Variants in PAX7 observed in about 807,000 individuals in gnomAD.
PAX7 encodes paired box 7.
In PAX7, 18 loss-of-function variants were observed where a neutral mutation model predicts 50.7. That is an observed-to-expected ratio of 0.36 (90% CI 0.25 to 0.53). The LOEUF is 0.53. PAX7 is among the 20% of genes least tolerant of loss of function. The pLI is 0.93. For synonymous variants in PAX7, 310 were observed against 290.4 expected (o/e 1.07, Z -0.69); for missense variants, 644 against 702.9 (o/e 0.92, Z 0.95).
intron 7 of PAX7, among the ~76,000 whole-genome samples, chr1:18,727,959 C>T (rs2089594537): frequency 6.6e-6 from 1 of 151,440 alleles, no homozygotes; most frequent in South Asian, 2.1e-4. Flanking sequence ...TACCGCTGTC[C>T]ACAGGGGGAA....
rs373972225 is a variant in PAX7 at position 18,730,758 on chromosome 1, G to A, written c.1156-4874G>A. On this transcript the variant is annotated intron_variant, in intron 7 of 8. Coordinates refer to ENST00000420770, the MANE Select transcript of PAX7 (RefSeq NM_001135254.2). ...GCCGGCATGTCCCAGGGGAGGGGGC[G>A]GTGAGCAGAGGCTGTGGAAGGGGGG... Among the ~76,000 whole-genome samples, 122 of 152,022 alleles carry A rather than the reference G, an allele frequency of 8.0e-4. 3 individuals are homozygous for A. In the East Asian group the frequency reaches 8.4e-3, roughly 10 times the overall value.
intron 4 of PAX7, among the ~76,000 whole-genome samples, chr1:18,637,841 A>C (rs2088186926): frequency 6.6e-6 from 1 of 152,236 alleles, no homozygotes; most frequent in Admixed American, 6.5e-5. Context: ...GCGAGGGAAG[A>C]AAGGGAGCCA....
intron 8 of PAX7, among the ~76,000 whole-genome samples, chr1:18,737,440 A>G (rs909003553): frequency 3.3e-5 from 5 of 152,138 alleles, no homozygotes; most frequent in Admixed American, 6.5e-5. Flanking sequence ...TGTGTTCACA[A>G]CCCTTCCTGT....
chr1:18,716,089 G>A (rs567824090), intron 7 of PAX7, among the ~76,000 whole-genome samples: 1 of 152,074 alleles, frequency 6.6e-6, no homozygotes, highest in African/African-American at 2.4e-5. Context: ...CCTTTCCCCG[G>A]CTGTGAACAC....
chr1:18,635,738 C>T (rs1275452342), intron 3 of PAX7, among the ~76,000 whole-genome samples: 6 of 152,166 alleles, frequency 3.9e-5, no homozygotes, highest in Non-Finnish European at 2.9e-5. Context: ...GTCGCCAACA[C>T]CAGCCATTTG....
chr1:18,691,569 T>A (rs796731136), intron 4 of PAX7, among the ~76,000 whole-genome samples, 185 bp from the exon 5 acceptor site: 1 of 152,238 alleles, frequency 6.6e-6, no homozygotes, highest in Non-Finnish European at 1.5e-5. Flanking sequence ...TTGCTTCCCA[T>A]CCTTCACATT....
At position 18,700,897 on chromosome 1, in the gene PAX7, CT is replaced by C. The variant is rs977085193; in HGVS notation, c.952+87del. On this transcript the variant is annotated intron_variant, in intron 6 of 8. Coordinates refer to ENST00000420770, the MANE Select transcript of PAX7 (RefSeq NM_001135254.2). This position sits in a 1 kb window ranked among gnomAD's most constrained non-coding sequence, Gnocchi z 4.8. ...TTTACTTTCACTTACAAAGGCTCTTCTTTTTTTTATGACCATTTCTTACTTT... is the reference window on the plus strand; with the variant it reads ...TTTACTTTCACTTACAAAGGCTCTTCTTTTTTTATGACCATTTCTTACTTT... 4.8e-5 allele frequency: 60 copies of C among 1,241,190 alleles called. No homozygotes were observed. The highest frequency in any genetic ancestry group is 4.8e-4 in the Admixed American group (12 of 25,188). 76.9% of individuals were successfully genotyped at this position (1,241,190 alleles called of 1,614,324 possible). A position where few individuals can be genotyped will look rare whatever the true frequency, so the allele number is the denominator to read the frequency against.
chr1:18,748,309 C>G lies in PAX7; in HGVS notation c.*3380C>G, dbSNP rs6672534. The stretch of plus-strand genomic sequence containing the variant: ...CTGGGCCTCAGTGACACTCCATCAC[C>G]CAACTAAAAAGATGTTCTCTGGGAC... On this transcript the variant is annotated 3_prime_UTR_variant, in exon 9 of 9. Transcript: ENST00000420770. The G allele has an allele frequency of 0.069, 15,660 of 227,520 alleles. 544 individuals carry two copies. The highest frequency in any genetic ancestry group is 0.087 in the Middle Eastern group (65 of 748). 14.1% of individuals were successfully genotyped at this position (227,520 alleles called of 1,614,324 possible).
chr1:18,649,538 C>T (rs185343497), intron 4 of PAX7, among the ~76,000 whole-genome samples: 2 of 152,022 alleles, frequency 1.3e-5, no homozygotes, highest in African/African-American at 4.8e-5. Flanking sequence ...CCCCCTCCCC[C>T]GTTCTTCATA....
At chr1:18,650,667 T>C (rs1344358252) in intron 4 of PAX7, among the ~76,000 whole-genome samples, 1 of 152,228 alleles carries the variant, frequency 6.6e-6, no homozygotes, top group Non-Finnish European at 1.5e-5. Context: ...ACTGGTCTCA[T>C]GCAACACCTT....
At position 18,631,128 on chromosome 1, in the gene PAX7, T is replaced by C; in HGVS notation, c.-476T>C. On this transcript the variant is annotated 5_prime_UTR_variant, in exon 1 of 9. Coordinates refer to ENST00000420770, the MANE Select transcript of PAX7 (RefSeq NM_001135254.2). ...TACGAGAACGAAATCCACTCCGCAG[T>C]CTCCGGGCTCGGAAACTTTGGCCCC... is the stretch of plus-strand genomic sequence containing the variant. 1 of 233,118 alleles carries C rather than the reference T, an allele frequency of 4.3e-6. No homozygotes were observed. Among genetic ancestry groups the C allele is most frequent in the Non-Finnish European group, 8.5e-6 (1 of 118,172 alleles). 14.4% of individuals were successfully genotyped at this position (233,118 alleles called of 1,614,324 possible).
At chr1:18,675,053 T>A (rs188624268) in intron 4 of PAX7, among the ~76,000 whole-genome samples, 48 of 152,244 alleles carry the variant, frequency 3.2e-4, no homozygotes, top group Middle Eastern at 3.4e-3. Context: ...CTGCCCCACC[T>A]GGGTTTGGAT....
rs2089085700 is a variant in PAX7, at chr1:18,692,397, CTGGGCTTGG to C, written c.786+447_786+455del. 2.0e-5 allele frequency among the ~76,000 whole-genome samples: 3 copies of C among 152,286 alleles called. No homozygotes were observed. The East Asian group carries it at 5.8e-4, about 29-fold the overall frequency. ...TCTCTACTAAAAACACAAAAATTAG[CTGGGCTTGG>C]TGACGGGCACCCGTAATCCCAGCTA... On this transcript the variant is annotated intron_variant, in intron 5 of 8. Coordinates refer to ENST00000420770, the MANE Select transcript of PAX7 (RefSeq NM_001135254.2).
At chr1:18,711,787 C>T (rs569864272) in intron 7 of PAX7, among the ~76,000 whole-genome samples, 17 of 152,246 alleles carry the variant, frequency 1.1e-4, no homozygotes, top group Non-Finnish European at 1.5e-4. Flanking sequence ...ATGACCAGTG[C>T]GGTTGGTACA....
rs1467361494 is a variant in PAX7, at chr1:18,635,511, TAGGAAGGAAGGAAGGAAAGA to T, written c.451+291_451+310del. 5.0e-3 allele frequency among the ~76,000 whole-genome samples: 679 copies of T among 134,538 alleles called. 6 individuals are homozygous for T. The highest frequency in any genetic ancestry group is 0.018 in the African/African-American group (639 of 35,128). 88.3% of individuals were successfully genotyped at this position (134,538 alleles called of 152,430 possible). A position where few individuals can be genotyped will look rare whatever the true frequency, so the allele number is the denominator to read the frequency against. On this transcript the variant is annotated intron_variant, in intron 3 of 8. Transcript: ENST00000420770. The stretch of plus-strand genomic sequence containing the variant: ...GGGAGGAAGAAGGAAGGAAGGAAGG[TAGGAAGGAAGGAAGGAAAGA>T]AGGAAGGAAGGAAGGAAAGCAGGCA...
intron 4 of PAX7, among the ~76,000 whole-genome samples, chr1:18,639,443 T>G (rs1043339490): frequency 6.6e-6 from 1 of 151,692 alleles, no homozygotes; most frequent in Non-Finnish European, 1.5e-5. Context: ...ATTAGGATTG[T>G]TGGTGGTGAG....
At chr1:18,654,375 C>T (rs2088480635) in intron 4 of PAX7, among the ~76,000 whole-genome samples, 1 of 152,240 alleles carries the variant, frequency 6.6e-6, no homozygotes, top group South Asian at 2.1e-4. Context: ...TAAATAATCA[C>T]AGGTGGGAGA....
At chr1:18,675,136 G>A (rs1224350430) in intron 4 of PAX7, among the ~76,000 whole-genome samples, 1 of 152,084 alleles carries the variant, frequency 6.6e-6, no homozygotes, top group Non-Finnish European at 1.5e-5. Context: ...CTCTTCCCAC[G>A]AGATGATTGT....
At chr1:18,677,941 G>T (rs904045187) in intron 4 of PAX7, among the ~76,000 whole-genome samples, 1 of 151,788 alleles carries the variant, frequency 6.6e-6, no homozygotes, top group Non-Finnish European at 1.5e-5. Flanking sequence ...AATTAGCCGG[G>T]CGTGGTGGCA....
Sources: allele counts gnomAD v4.1 joint callset (sites outside exome capture counted in the v4.1 genomes callset), GRCh38; gene constraint gnomAD v4.1.1; non-coding constraint Gnocchi (gnomAD v3.1); transcripts MANE v1.5; gene names NCBI Gene and HGNC (gene_info 2026-07-23, HGNC 2026-07-21).